Variants in UNC5C observed in about 807,000 individuals in gnomAD.
UNC5C encodes netrin receptor UNC5C.
In UNC5C, 47 loss-of-function variants were observed where a neutral mutation model predicts 99.8. That is an observed-to-expected ratio of 0.47 (90% confidence interval 0.37 to 0.60). The LOEUF (loss-of-function observed/expected upper bound fraction) is 0.60. UNC5C is among the 20% of genes least tolerant of loss of function. The pLI is 0.00. For missense variants in UNC5C, 1,062 were observed against 1,165.9 expected (o/e 0.91, Z 1.30); for synonymous variants, 487 against 452.2 (o/e 1.08, Z -0.98).
intron 2 of UNC5C, among the ~76,000 whole-genome samples, chr4:95,302,278 C>T (rs959212367): frequency 1.3e-5 from 2 of 152,182 alleles, no homozygotes; most frequent in African/African-American, 4.8e-5. Flanking sequence ...GTATCGTATC[C>T]GAAGAATATA....
At chr4:95,426,068 A>G (rs989895945) in intron 1 of UNC5C, among the ~76,000 whole-genome samples, 3 of 152,134 alleles carry the variant, frequency 2.0e-5, no homozygotes, top group Non-Finnish European at 4.4e-5. Flanking sequence ...CAGATATTGC[A>G]TTTCTTACAA....
chr4:95,199,580 C>G (rs1737570575), intron 12 of UNC5C, among the ~76,000 whole-genome samples: 1 of 152,106 alleles, frequency 6.6e-6, no homozygotes, highest in Admixed American at 6.5e-5. Flanking sequence ...CACTATTGAC[C>G]ATTTGCGTCT....
chr4:95,193,018 C>T (rs751669669), intron 12 of UNC5C, among the ~76,000 whole-genome samples: 6 of 152,222 alleles, frequency 3.9e-5, no homozygotes, highest in African/African-American at 1.4e-4. Context: ...AGTTAAGTCT[C>T]ATATAACCCA....
intron 1 of UNC5C, among the ~76,000 whole-genome samples, chr4:95,389,436 A>G (rs1553968580): frequency 6.6e-6 from 1 of 152,178 alleles, no homozygotes; most frequent in Non-Finnish European, 1.5e-5. Flanking sequence ...TCTCTCTTCT[A>G]CAGCAATAAT....
chr4:95,534,295 T>C (rs1422909781), intron 1 of UNC5C, among the ~76,000 whole-genome samples: 1 of 152,188 alleles, frequency 6.6e-6, no homozygotes, highest in Non-Finnish European at 1.5e-5. Context: ...TTACATTATG[T>C]TTGCTAAAGA....
chr4:95,216,194 G>C lies in UNC5C; in HGVS notation c.1663C>G (p.Pro555Ala). 6.2e-7 allele frequency: 1 copy of C among 1,613,146 alleles called. No individual in the cohort carries two copies. The highest frequency in any genetic ancestry group is 8.5e-7 in the Non-Finnish European group (1 of 1,179,834). ...VPNSGVSLLI[P>A]AGAIPQGRVY... is the part of the protein sequence containing the mutation. ...CTCCCTTGGGGAATGGCCCCAGCGG[G>C]AATCAGCAAGCTGACTCCTGAATAG... Residue 555 changes from proline (P) to alanine (A), a missense_variant, in exon 10 of 16, where the codon CCC (proline) becomes GCC (alanine). Pro to Ala is a conservative substitution (Grantham distance 27). Transcript: ENST00000453304.
chr4:95,443,751 T>C (rs1747017273), intron 1 of UNC5C, among the ~76,000 whole-genome samples: 1 of 152,162 alleles, frequency 6.6e-6, no homozygotes, highest in Non-Finnish European at 1.5e-5. Context: ...ATTTGAACTA[T>C]ATATTTATTG....
chr4:95,470,159 T>C (rs998699916), intron 1 of UNC5C, among the ~76,000 whole-genome samples: 1 of 152,188 alleles, frequency 6.6e-6, no homozygotes, highest in Non-Finnish European at 1.5e-5. Flanking sequence ...GACTAGTATG[T>C]ATGTATACTT....
intron 1 of UNC5C, among the ~76,000 whole-genome samples, chr4:95,514,858 G>C (rs6821610): frequency 0.14 from 21,749 of 151,452 alleles, 2,030 homozygotes; most frequent in Non-Finnish European, 0.21. Context: ...ATTTTTGGTA[G>C]AGACGGGGTT....
intron 1 of UNC5C, among the ~76,000 whole-genome samples, chr4:95,458,974 A>T (rs1747520324): frequency 6.6e-6 from 1 of 152,114 alleles, no homozygotes; most frequent in Non-Finnish European, 1.5e-5. Flanking sequence ...CTCTAAAAAG[A>T]TTTCTAGTTA....
intron 4 of UNC5C, among the ~76,000 whole-genome samples, chr4:95,277,813 G>A (rs1334843855): frequency 6.6e-6 from 1 of 152,130 alleles, no homozygotes; most frequent in Non-Finnish European, 1.5e-5. Flanking sequence ...TGGCTTTTAG[G>A]TATGTCTATG....
chr4:95,534,066 CAG>C (rs1211639467), intron 1 of UNC5C, among the ~76,000 whole-genome samples: 2 of 152,130 alleles, frequency 1.3e-5, no homozygotes, highest in East Asian at 3.8e-4. Context: ...CTGTTGACTG[CAG>C]AGTTTTAAAC....
chr4:95,443,570 T>C (rs1265515343), intron 1 of UNC5C, among the ~76,000 whole-genome samples: 1 of 152,208 alleles, frequency 6.6e-6, no homozygotes, highest in African/African-American at 2.4e-5. Flanking sequence ...TTTGAGAATG[T>C]AATAAATAAT....
At chr4:95,424,418 T>C (rs1340180576) in intron 1 of UNC5C, among the ~76,000 whole-genome samples, 1 of 152,002 alleles carries the variant, frequency 6.6e-6, no homozygotes, top group African/African-American at 2.4e-5. Context: ...TTCATATATA[T>C]TGAAGTGCTC....
chr4:95,409,048 A>C (rs950367428), intron 1 of UNC5C, among the ~76,000 whole-genome samples: 4 of 152,198 alleles, frequency 2.6e-5, no homozygotes, highest in African/African-American at 9.6e-5. Context: ...TTTAAATAAC[A>C]ATTGACTTAT....
chr4:95,502,073 T>C (rs188495762), intron 1 of UNC5C, among the ~76,000 whole-genome samples: 1 of 152,230 alleles, frequency 6.6e-6, no homozygotes, highest in East Asian at 1.9e-4. Context: ...ATGTTTAAAA[T>C]TCGTATCATG....
intron 2 of UNC5C, among the ~76,000 whole-genome samples, chr4:95,328,028 C>T (rs1742957364): frequency 7.5e-6 from 1 of 133,724 alleles, no homozygotes; most frequent in Admixed American, 8.2e-5. Context: ...AGAGCTCTGT[C>T]ACAGGCAACT....
intron 2 of UNC5C, among the ~76,000 whole-genome samples, chr4:95,327,028 A>G (rs1018243010): frequency 6.6e-6 from 1 of 152,136 alleles, no homozygotes; most frequent in African/African-American, 2.4e-5. Context: ...GATTTTTTCA[A>G]ATACTAAGAA....
At chr4:95,369,574 C>T (rs1339044662) in intron 1 of UNC5C, among the ~76,000 whole-genome samples, 2 of 152,024 alleles carry the variant, frequency 1.3e-5, no homozygotes, top group African/African-American at 4.8e-5. Context: ...GGAGATTAAC[C>T]TATCCAAATA....
Sources: gnomAD v4.1 joint callset for allele counts (sites outside exome capture counted in the v4.1 genomes callset) on GRCh38, gnomAD v4.1.1 for gene constraint, MANE v1.5 for transcripts, NCBI Gene and HGNC (gene_info 2026-07-23, HGNC 2026-07-21) for gene names.